PRR5: variants seen among roughly 807,000 people sequenced by gnomAD.
PRR5 encodes the protein proline-rich protein 5.
PRR5 carries 25 observed loss-of-function variants against 30.6 expected under a neutral mutation model. The observed-to-expected ratio is 0.82, with a 90% confidence interval of 0.60 to 1.14. PRR5 has a LOEUF of 1.14. Ranked by LOEUF, PRR5 falls within the 50% of genes most tolerant of loss-of-function variation. The pLI is 0.00. For missense variants in PRR5, 600 were observed against 547.1 expected, an observed-to-expected ratio of 1.10 and a Z score of -0.96; for synonymous variants, 286 against 247.1, an observed-to-expected ratio of 1.16 and a Z score of -1.48.
At chr22:44,688,055 G>A (rs1225926632) in intron 1 of PRR5, among the ~76,000 whole-genome samples, 2 of 151,602 alleles carry the variant, frequency 1.3e-5, no homozygotes, top group South Asian at 2.1e-4. Context: ...GATTACAGGC[G>A]TGAGCCACCG....
In PRR5 at chr22:44,713,843, G is replaced by A. The variant is rs142717333; in HGVS notation, c.135-748G>A. Among the ~76,000 whole-genome samples, 652 of 152,284 alleles carry A rather than the reference G, an allele frequency of 4.3e-3. 6 individuals are homozygous for A. Among genetic ancestry groups the A allele is most frequent in the African/African-American group, 0.015 (617 of 41,556 alleles). On this transcript the variant is annotated intron_variant, in intron 1 of 7. Transcript: ENST00000336985. ...TTTTGAGACGGACTGTTGCTCTGTC[G>A]CCCAGGCTGGAGTGCAGTGGCGCGA...
At chr22:44,724,885 A>G (rs1271002659) in intron 2 of PRR5, among the ~76,000 whole-genome samples, 1 of 152,232 alleles carries the variant, frequency 6.6e-6, no homozygotes, top group East Asian at 1.9e-4. Flanking sequence ...GGATTTGGAC[A>G]GGTGGAAGGC....
At position 44,691,430 on chromosome 22, in the gene PRR5, C is replaced by A. The variant is rs1925229377; in HGVS notation, c.-10-11062C>A. 6.6e-6 allele frequency among the ~76,000 whole-genome samples: 1 copy of A among 152,120 alleles called. No individual in the cohort carries two copies. Among genetic ancestry groups the A allele is most frequent in the South Asian group, 2.1e-4 (1 of 4,824 alleles). ...TGTACTCAGCGGTGGGGACCCTGCCCTAGACTCAGTGCCCCTGGCACGCCT... is the reference window on the plus strand; with the variant it reads ...TGTACTCAGCGGTGGGGACCCTGCCATAGACTCAGTGCCCCTGGCACGCCT... On this transcript the variant is annotated intron_variant, in intron 1 of 8. Transcript: ENST00000006251. The surrounding 1 kb of genome is among the most constrained non-coding windows in gnomAD (Gnocchi z 4.4).
At chr22:44,692,965 C>T (rs1007680804) in intron 1 of PRR5, among the ~76,000 whole-genome samples, 1 of 152,078 alleles carries the variant, frequency 6.6e-6, no homozygotes, top group Non-Finnish European at 1.5e-5. Flanking sequence ...GTGTTTTTCC[C>T]CTAAAGAAAG....
At chr22:44,701,194 G>A (rs1926247844), upstream of PRR5, among the ~76,000 whole-genome samples, 1 of 152,168 alleles carries the variant, frequency 6.6e-6, no homozygotes, top group Non-Finnish European at 1.5e-5. Context: ...CATTTTATAT[G>A]GGGCCCTCCC....
intron 1 of PRR5, among the ~76,000 whole-genome samples, chr22:44,681,057 T>C (rs73889601): frequency 0.022 from 3,379 of 152,332 alleles, 120 homozygotes; most frequent in African/African-American, 0.076. Context: ...CCTACTGTGC[T>C]GCCAGTGGTT....
upstream of PRR5, among the ~76,000 whole-genome samples, chr22:44,675,132 C>G (rs1923657602): frequency 6.6e-6 from 1 of 150,890 alleles, no homozygotes. Flanking sequence ...CGCCTGTAGT[C>G]CCAGCTACTC....
chr22:44,702,399 C>T lies in PRR5; in HGVS notation c.-76C>T. ...CCGCGTAGAGGGCGCATCGCCGGCCCGGGGCCCTTGGTGCGGCGTGGCGCA... is the reference window on the plus strand; with the variant it reads ...CCGCGTAGAGGGCGCATCGCCGGCCTGGGGCCCTTGGTGCGGCGTGGCGCA... On this transcript the variant is annotated 5_prime_UTR_variant, in exon 1 of 8. Coordinates refer to ENST00000336985, the MANE Select transcript of PRR5 (RefSeq NM_181333.4). 8.2e-7 allele frequency: 1 copy of T among 1,225,602 alleles called. No homozygotes were observed. The allele number at this position is 1,225,602 out of a possible 1,614,324, so 75.9% of individuals were successfully genotyped here.
intron 4 of PRR5, among the ~76,000 whole-genome samples, chr22:44,726,956 G>A (rs1308787272): frequency 1.3e-5 from 2 of 152,180 alleles, no homozygotes; most frequent in Admixed American, 6.5e-5. Flanking sequence ...GAGAGCCCCT[G>A]TCCTGGTCTT....
At chr22:44,717,825 C>T (rs1179119299) in intron 2 of PRR5, among the ~76,000 whole-genome samples, 1 of 151,786 alleles carries the variant, frequency 6.6e-6, no homozygotes, top group African/African-American at 2.4e-5. Context: ...CAAGGATTCT[C>T]CTGCCTCGGC....
At chr22:44,706,546 T>C (rs1927228453) in intron 1 of PRR5, among the ~76,000 whole-genome samples, 2 of 152,150 alleles carry the variant, frequency 1.3e-5, no homozygotes, top group African/African-American at 4.8e-5. Context: ...TTTTTCTCTT[T>C]TGAGAGAGGG....
rs763029815 is a variant in PRR5 at position 44,732,260 on chromosome 22, C to G, written c.424C>G (p.Pro142Ala). ...TGCCTTCCGTCCACAGGGCAAGGAG[C>G]CATCGGTGCGCCAGCTGGCCCTGCT... The part of the protein sequence containing the change: ...AIFYPVQGKE[P>A]SVRQLALLHF... Residue 142 changes from proline to alanine, a missense_variant, in exon 6 of 8, where the codon CCA becomes GCA. Transcript: ENST00000336985. The G allele has an allele frequency of 6.2e-7, 1 of 1,611,600 alleles. No homozygotes were observed. The highest frequency in any genetic ancestry group is 8.5e-7 in the Non-Finnish European group (1 of 1,179,874).
At chr22:44,699,236 G>A (rs1041497389), upstream of PRR5, among the ~76,000 whole-genome samples, 4 of 152,172 alleles carry the variant, frequency 2.6e-5, no homozygotes, top group African/African-American at 4.8e-5. Context: ...ACCTCGGGCT[G>A]CCCATTTCTC....
intron 4 of PRR5, among the ~76,000 whole-genome samples, chr22:44,727,303 C>T (rs1366896777): frequency 2.0e-5 from 3 of 152,094 alleles, no homozygotes; most frequent in South Asian, 4.2e-4. Flanking sequence ...CAGCAGCGTG[C>T]GCATCCTTGC....
chr22:44,680,760 C>G (rs528881799), intron 1 of PRR5, among the ~76,000 whole-genome samples: 1 of 152,294 alleles, frequency 6.6e-6, no homozygotes, highest in Non-Finnish European at 1.5e-5. Context: ...GTTCCTGGCT[C>G]CCTGCCAGAG....
chr22:44,670,816 C>T (rs866519249), intron 1 of PRR5, among the ~76,000 whole-genome samples: 3 of 152,040 alleles, frequency 2.0e-5, no homozygotes, highest in African/African-American at 4.8e-5. Context: ...AAGTCAGGGG[C>T]GCAGACACCA....
At chr22:44,708,708 T>C (rs1300815156) in intron 1 of PRR5, among the ~76,000 whole-genome samples, 1 of 152,128 alleles carries the variant, frequency 6.6e-6, no homozygotes, top group African/African-American at 2.4e-5. Flanking sequence ...AGCTCATGCC[T>C]GTAATCCCAG....
chr22:44,727,161 TG>T (rs1920994238), intron 4 of PRR5, among the ~76,000 whole-genome samples: 1 of 123,452 alleles, frequency 8.1e-6, no homozygotes, highest in Admixed American at 8.9e-5. Flanking sequence ...ACATCAGGGG[TG>T]GGGGCGGGAC....
chr22:44,703,082 T>A (rs1926612095), intron 1 of PRR5, among the ~76,000 whole-genome samples: 1 of 152,190 alleles, frequency 6.6e-6, no homozygotes, highest in Admixed American at 6.5e-5. Context: ...AGAGGCCCCC[T>A]GTCCTCCAGC....
Sources: allele counts gnomAD v4.1 joint callset (sites outside exome capture counted in the v4.1 genomes callset), GRCh38; gene constraint gnomAD v4.1.1; non-coding constraint Gnocchi (gnomAD v3.1); transcripts MANE v1.5; gene names NCBI Gene and HGNC (gene_info 2026-07-23, HGNC 2026-07-21).